The following MRTFB variants were observed in gnomAD, a reference collection of about 807,000 sequenced individuals.
The protein encoded by MRTFB is myocardin related transcription factor B.
Under a neutral mutation model 104.2 loss-of-function variants are expected in MRTFB, and 29 were observed. The ratio of observed to expected loss-of-function variants is 0.28; its 90% CI spans 0.21 to 0.38. The LOEUF (loss-of-function observed/expected upper bound fraction) is 0.38, where lower values mean the gene tolerates loss of function less well. Ranked by LOEUF, MRTFB falls within the 10% of genes least tolerant of loss-of-function variation. The probability of loss-of-function intolerance (pLI) is 1.00; values close to 1 mark genes in which losing one functional copy is unlikely to be tolerated. For missense variants in MRTFB, 1,270 were observed against 1,341.6 expected (o/e 0.95, Z 0.83); for synonymous variants, 535 against 519.5 (o/e 1.03, Z -0.41).
At chr16:14,066,023 C>G in the MRTFB span, among the ~76,000 whole-genome samples, 2 of 152,144 alleles carry the variant, frequency 1.3e-5, no homozygotes, top group East Asian at 3.9e-4. Flanking sequence ...TAACACCTCT[C>G]TCTTCCTCTA....
At chr16:14,118,727 A>ATG (rs1376358313) in intron 2 of MRTFB, among the ~76,000 whole-genome samples, 1 of 150,844 alleles carries the variant, frequency 6.6e-6, no homozygotes, top group Admixed American at 6.6e-5. Context: ...GTATTTACAT[A>ATG]TATATATACA....
At chr16:14,176,603 T>C (rs1468859498) in intron 3 of MRTFB, among the ~76,000 whole-genome samples, 3 of 152,182 alleles carry the variant, frequency 2.0e-5, no homozygotes, top group Non-Finnish European at 4.4e-5. Flanking sequence ...ACAGAACCCA[T>C]TGAACAAAGC....
intron 3 of MRTFB, among the ~76,000 whole-genome samples, chr16:14,201,593 C>G (rs1047733713): frequency 6.6e-6 from 1 of 151,930 alleles, no homozygotes; most frequent in Non-Finnish European, 1.5e-5. Flanking sequence ...TACTTAAGGC[C>G]CAGTTAATAT....
At chr16:14,238,976 C>T (rs2042646163) in intron 9 of MRTFB, among the ~76,000 whole-genome samples, 2 of 152,164 alleles carry the variant, frequency 1.3e-5, no homozygotes, top group South Asian at 2.1e-4. Flanking sequence ...TGTAAATATT[C>T]CCACAGTGGC....
rs143311593 is a variant in MRTFB at position 14,261,469 on chromosome 16, T to C, written c.*25T>C. On this transcript the variant is annotated 3_prime_UTR_variant, in exon 17 of 17. Coordinates refer to ENST00000571589, the MANE Select transcript of MRTFB (RefSeq NM_001308142.2). ...ACGTCACAGATTTCTTTTCTGAGAG[T>C]TGATGAGGTTTAAGAACATGAAGAT... is the stretch of plus-strand genomic sequence containing the variant. The C allele has an allele frequency of 2.4e-4, 377 of 1,560,174 alleles. No homozygotes were observed. Among genetic ancestry groups the C allele is most frequent in the Non-Finnish European group, 3.1e-4 (356 of 1,150,656 alleles).
intron 2 of MRTFB, among the ~76,000 whole-genome samples, chr16:14,080,504 C>G (rs2141859155): frequency 6.6e-6 from 1 of 152,204 alleles, no homozygotes; most frequent in African/African-American, 2.4e-5. Context: ...AACATTTACT[C>G]TCTTTGTATT....
At chr16:14,124,545 C>T (rs2037011905) in intron 2 of MRTFB, among the ~76,000 whole-genome samples, 2 of 152,088 alleles carry the variant, frequency 1.3e-5, no homozygotes. Flanking sequence ...GTCATTAGTT[C>T]TGTTTATATG....
Position 14,213,512 on chromosome 16 carries a change from T to C in MRTFB, c.277-33T>C, listed in dbSNP as rs753172605. The C allele has an allele frequency of 2.8e-6, 4 of 1,432,934 alleles. No individual in the cohort carries two copies. In the Admixed American group the frequency reaches 6.0e-5, roughly 22 times the overall value. 88.8% of individuals were successfully genotyped at this position (1,432,934 alleles called of 1,614,324 possible). ...ATTTAAAACCACAATAAATAATAAATGATTTATGGTAAGACTTTTTTTCTT... is the reference window on the plus strand; with the variant it reads ...ATTTAAAACCACAATAAATAATAAACGATTTATGGTAAGACTTTTTTTCTT... On this transcript the variant is annotated intron_variant, in intron 5 of 16. Coordinates refer to ENST00000571589, the MANE Select transcript of MRTFB (RefSeq NM_001308142.2).
the MRTFB span, among the ~76,000 whole-genome samples, chr16:14,014,371 A>T: frequency 6.6e-6 from 1 of 151,956 alleles, no homozygotes; most frequent in Admixed American, 6.6e-5. Flanking sequence ...ACATAGTGAG[A>T]CCTTGTCTCT....
chr16:14,187,246 A>G (rs2151035271), intron 3 of MRTFB, among the ~76,000 whole-genome samples: 2 of 152,328 alleles, frequency 1.3e-5, no homozygotes, highest in East Asian at 3.9e-4. Flanking sequence ...GGGCTTTTGC[A>G]GTAATTCATG....
chr16:14,166,266 A>T (rs551003988), intron 3 of MRTFB, among the ~76,000 whole-genome samples: 1 of 146,346 alleles, frequency 6.8e-6, no homozygotes, highest in Non-Finnish European at 1.5e-5. Flanking sequence ...CAATTCAACC[A>T]TAAAGAGAAG....
intron 3 of MRTFB, among the ~76,000 whole-genome samples, chr16:14,208,210 T>C (rs1451435487): frequency 6.6e-6 from 1 of 152,220 alleles, no homozygotes; most frequent in Non-Finnish European, 1.5e-5. Context: ...AGGACTGCTG[T>C]CCTGGTAAAT....
chr16:14,137,915 T>C (rs2037804631), intron 2 of MRTFB, among the ~76,000 whole-genome samples: 1 of 152,244 alleles, frequency 6.6e-6, no homozygotes, highest in Non-Finnish European at 1.5e-5. Context: ...GATTTAGGTC[T>C]ATTTTGCTAT....
intron 9 of MRTFB, among the ~76,000 whole-genome samples, chr16:14,235,198 C>T (rs946441409): frequency 7.9e-5 from 12 of 152,212 alleles, no homozygotes; most frequent in Non-Finnish European, 1.3e-4. Flanking sequence ...GGCCCTAAGT[C>T]GCCGGGACTG....
At chr16:14,222,367 C>T (rs1303676423) in intron 8 of MRTFB, among the ~76,000 whole-genome samples, 1 of 152,138 alleles carries the variant, frequency 6.6e-6, no homozygotes, top group African/African-American at 2.4e-5. Flanking sequence ...CAGCTTTGAA[C>T]GCAGCCCAAC....
the MRTFB span, among the ~76,000 whole-genome samples, chr16:14,062,426 C>G: frequency 6.6e-6 from 1 of 152,204 alleles, no homozygotes; most frequent in African/African-American, 2.4e-5. Flanking sequence ...CTGTGCCATG[C>G]ATGCCCTATG....
At chr16:14,226,895 T>C (rs949078483) in intron 8 of MRTFB, among the ~76,000 whole-genome samples, 1 of 151,866 alleles carries the variant, frequency 6.6e-6, no homozygotes, top group African/African-American at 2.4e-5. Context: ...GATGAGAGGA[T>C]GACTGGAGCC....
At chr16:14,031,635 T>C in the MRTFB span, among the ~76,000 whole-genome samples, 1 of 152,172 alleles carries the variant, frequency 6.6e-6, no homozygotes, top group Non-Finnish European at 1.5e-5. Context: ...TCCCAGCTCC[T>C]GGTCAGAGCC....
intron 7 of MRTFB, among the ~76,000 whole-genome samples, 154 bp from the exon 8 acceptor site, chr16:14,218,665 AG>A (rs2041540247): frequency 6.6e-6 from 1 of 151,950 alleles, no homozygotes; most frequent in Non-Finnish European, 1.5e-5. Context: ...CATCATGGTT[AG>A]TGGTGTGTTC....
Sources: gnomAD v4.1 joint callset for allele counts (sites outside exome capture counted in the v4.1 genomes callset) on GRCh38, gnomAD v4.1.1 for gene constraint, MANE v1.5 for transcripts, NCBI Gene and HGNC (gene_info 2026-07-23, HGNC 2026-07-21) for gene names.